The following DLGAP2 variants were observed in gnomAD, a reference collection of about 807,000 sequenced individuals.
The protein encoded by DLGAP2 is DLG associated protein 2, also known as disks large-associated protein 2.
Under a neutral mutation model 100.3 loss-of-function variants are expected in DLGAP2, and 26 were observed. The ratio of observed to expected loss-of-function variants is 0.26; its 90% CI spans 0.19 to 0.36. The LOEUF is 0.36. Ranked by LOEUF, DLGAP2 falls within the 10% of genes least tolerant of loss-of-function variation. The pLI is 1.00. For missense variants in DLGAP2, 1,858 were observed against 1,453.2 expected, an observed-to-expected ratio of 1.28 and a Z score of -4.53; for synonymous variants, 886 against 630.1, an observed-to-expected ratio of 1.41 and a Z score of -6.08.
intron 3 of DLGAP2, among the ~76,000 whole-genome samples, chr8:1,500,858 G>T (rs1482810875): frequency 6.6e-6 from 1 of 152,222 alleles, no homozygotes; most frequent in African/African-American, 2.4e-5. Flanking sequence ...GACCTAATAT[G>T]AACTAATATT....
At chr8:1,700,282 T>A (rs928344828) in intron 14 of DLGAP2, among the ~76,000 whole-genome samples, 2 of 152,224 alleles carry the variant, frequency 1.3e-5, no homozygotes, top group African/African-American at 4.8e-5. Flanking sequence ...AGATATCTGC[T>A]TAGGAAAGTG....
chr8:1,646,020 T>A (rs7003222), intron 8 of DLGAP2, among the ~76,000 whole-genome samples: 4 of 151,970 alleles, frequency 2.6e-5, no homozygotes, highest in Non-Finnish European at 4.4e-5. Flanking sequence ...GATAGTGTGA[T>A]GGTGGAGTTC....
At chr8:804,725 G>C (rs1796235154) in intron 1 of DLGAP2, among the ~76,000 whole-genome samples, 1 of 152,176 alleles carries the variant, frequency 6.6e-6, no homozygotes, top group Non-Finnish European at 1.5e-5. Flanking sequence ...CTTCCAGCAA[G>C]GGCACTGGTT....
intron 1 of DLGAP2, among the ~76,000 whole-genome samples, chr8:903,398 A>G (rs1267839555): frequency 6.6e-6 from 1 of 152,064 alleles, no homozygotes; most frequent in Non-Finnish European, 1.5e-5. Context: ...GAAGGCTGTG[A>G]TGTCAGCTCA....
rs976566036 is a variant in DLGAP2 at position 1,498,379 on chromosome 8, T to A, written c.107-2987T>A. 3.9e-4 allele frequency among the ~76,000 whole-genome samples: 58 copies of A among 148,954 alleles called. 1 individual carries two copies. Among genetic ancestry groups the A allele is most frequent in the South Asian group, 4.2e-4 (2 of 4,750 alleles). On this transcript the variant is annotated intron_variant, in intron 3 of 14. Transcript: ENST00000637795. ...CTATTTCAAGATACGGCAAAATAAA[T>A]AAAAAAAAAAAAATTACACATTCGG...
intron 1 of DLGAP2, among the ~76,000 whole-genome samples, chr8:815,665 TAGA>T (rs1379220279): frequency 1.3e-5 from 2 of 152,198 alleles, no homozygotes; most frequent in Non-Finnish European, 2.9e-5. Context: ...ACAATAATAC[TAGA>T]AGAAGATATT....
chr8:1,615,262 C>T (rs2977206), intron 6 of DLGAP2, among the ~76,000 whole-genome samples: 34,005 of 152,142 alleles, frequency 0.22, 4,693 homozygotes, highest in East Asian at 0.47. Context: ...CATCTGCAGC[C>T]TCCCCAGGCC....
intron 3 of DLGAP2, among the ~76,000 whole-genome samples, chr8:1,356,753 AACAG>A (rs1801861783): frequency 6.6e-6 from 1 of 152,202 alleles, no homozygotes; most frequent in African/African-American, 2.4e-5. Context: ...ATGGATGAAA[AACAG>A]ACAGTGGGAT....
intron 2 of DLGAP2, among the ~76,000 whole-genome samples, chr8:925,028 A>C (rs1244311001): frequency 6.6e-6 from 1 of 152,158 alleles, no homozygotes; most frequent in Non-Finnish European, 1.5e-5. Context: ...GATAATGGTG[A>C]AGATGTATTG....
At chr8:994,774 G>A (rs997729186) in intron 2 of DLGAP2, among the ~76,000 whole-genome samples, 1 of 152,140 alleles carries the variant, frequency 6.6e-6, no homozygotes, top group Admixed American at 6.5e-5. Context: ...TCCCTTGCTG[G>A]CAATGAAGCA....
Position 770,944 on chromosome 8 carries a change from A to G in DLGAP2, c.18+33119A>G, listed in dbSNP as rs145591454. ...TTTCACTTTTCTGTAGGGCAGGTTG[A>G]TGTGGTCTTCTTAGTGTAAACAGGG... On this transcript the variant is annotated intron_variant, in intron 1 of 14. Transcript: ENST00000637795. Among the ~76,000 whole-genome samples the G allele has an allele frequency of 1.8e-3, 272 of 151,052 alleles. 1 individual carries two copies. Among genetic ancestry groups the G allele is most frequent in the African/African-American group, 6.4e-3 (261 of 41,062 alleles).
intron 2 of DLGAP2, among the ~76,000 whole-genome samples, chr8:1,178,894 G>T (rs142948931): frequency 1.2e-4 from 19 of 152,166 alleles, no homozygotes; most frequent in Admixed American, 2.6e-4. Context: ...GAGCCCCCCT[G>T]CCCCACACCA....
intron 3 of DLGAP2, among the ~76,000 whole-genome samples, chr8:1,392,995 G>T (rs914500297): frequency 1.3e-4 from 10 of 77,790 alleles, no homozygotes; most frequent in African/African-American, 5.3e-4. Flanking sequence ...CCTCAGGAAG[G>T]CATTCGAGGT....
At chr8:1,410,132 G>A (rs1449899567) in intron 3 of DLGAP2, among the ~76,000 whole-genome samples, 1 of 152,182 alleles carries the variant, frequency 6.6e-6, no homozygotes, top group Non-Finnish European at 1.5e-5. Flanking sequence ...AGTGCCCAAG[G>A]GGAAGGGGAG....
chr8:1,621,381 G>A (rs1034472851), intron 6 of DLGAP2: 2 of 152,982 alleles, frequency 1.3e-5, no homozygotes, highest in African/African-American at 4.8e-5. Flanking sequence ...GGCAAAGGAG[G>A]TTGTCATGGC....
At chr8:765,721 C>T (rs1454728334) in intron 1 of DLGAP2, among the ~76,000 whole-genome samples, 3 of 152,180 alleles carry the variant, frequency 2.0e-5, no homozygotes, top group African/African-American at 4.8e-5. Flanking sequence ...GCCTTCACCT[C>T]GTTGCTCTGC....
chr8:1,038,189 G>T (rs981433625), intron 2 of DLGAP2, among the ~76,000 whole-genome samples: 1 of 152,238 alleles, frequency 6.6e-6, no homozygotes, highest in Non-Finnish European at 1.5e-5. Flanking sequence ...CTGTGCTAAC[G>T]CAGTCAGTGT....
intron 2 of DLGAP2, among the ~76,000 whole-genome samples, chr8:1,209,393 T>C (rs2116781475): frequency 6.6e-6 from 1 of 152,316 alleles, no homozygotes; most frequent in Non-Finnish European, 1.5e-5. Flanking sequence ...GCTTTTTCCT[T>C]CCCTACATTT....
intron 1 of DLGAP2, among the ~76,000 whole-genome samples, chr8:765,219 T>C (rs558737141): frequency 2.0e-5 from 3 of 152,320 alleles, no homozygotes; most frequent in African/African-American, 7.2e-5. Flanking sequence ...AAGATAACTT[T>C]ATTACAAAAA....
Sources: allele counts gnomAD v4.1 joint callset (sites outside exome capture counted in the v4.1 genomes callset), GRCh38; gene constraint gnomAD v4.1.1; transcripts MANE v1.5; gene names NCBI Gene and HGNC (gene_info 2026-07-23, HGNC 2026-07-21).